Variants in SLC7A11 observed in about 807,000 individuals in gnomAD.
The protein encoded by SLC7A11 is solute carrier family 7 member 11.
A neutral mutation model predicts 54.5 loss-of-function variants in SLC7A11; 35 were observed. The observed-to-expected ratio is 0.64, with a 90% CI of 0.49 to 0.85. The LOEUF is 0.85. Ranked by LOEUF, SLC7A11 falls within the 40% of genes least tolerant of loss-of-function variation. The pLI is 0.00. For synonymous variants in SLC7A11, 230 were observed against 225.2 expected (o/e 1.02, Z -0.19); for missense variants, 583 against 618.1 (o/e 0.94, Z 0.60).
chr4:138,179,241 G>A lies in SLC7A11; in HGVS notation c.1420C>T (p.Pro474Ser), dbSNP rs1022715041. 6.2e-7 allele frequency: 1 copy of A among 1,610,948 alleles called. No homozygotes were observed. The highest frequency in any genetic ancestry group is 1.7e-5 in the Admixed American group (1 of 59,870). ...YYLFIIWDKK[P>S]RWFRIMSEKI... Reference sequence around the variant, plus strand: ...CCCGACATTATTCTAAACCACCTGGGTTTCTTGTCCCATATAATAAAGAGA... The same window carrying A: ...CCCGACATTATTCTAAACCACCTGGATTTCTTGTCCCATATAATAAAGAGA... The change falls in exon 11 of 12, where the codon CCC becomes TCC. Residue 474 changes from proline to serine, a missense_variant. By Grantham distance (74) the Pro-to-Ser change is moderately conservative (BLOSUM62 -1). Coordinates refer to ENST00000280612, the MANE Select transcript of SLC7A11 (RefSeq NM_014331.4).
chr4:138,203,602 T>C (rs1275622174), intron 6 of SLC7A11, among the ~76,000 whole-genome samples: 4 of 152,120 alleles, frequency 2.6e-5, no homozygotes, highest in Non-Finnish European at 5.9e-5. Flanking sequence ...TGATTTATCA[T>C]ATTGTCTGAC....
intron 3 of SLC7A11, among the ~76,000 whole-genome samples, chr4:138,228,891 T>C (rs563326869): frequency 1.3e-5 from 2 of 152,168 alleles, no homozygotes; most frequent in African/African-American, 4.8e-5. Context: ...CTGGAATGGA[T>C]GAAATTTGTA....
intron 6 of SLC7A11, among the ~76,000 whole-genome samples, chr4:138,213,562 C>CTCTCTCT (rs1163234518): frequency 1.8e-5 from 2 of 108,922 alleles, no homozygotes; most frequent in African/African-American, 6.1e-5. Flanking sequence ...TCTCTCTCTC[C>CTCTCTCT]TCCCATACCC....
chr4:138,176,015 T>G (rs558828793), intron 11 of SLC7A11: 1 of 152,148 alleles, frequency 6.6e-6, no homozygotes, highest in Non-Finnish European at 1.5e-5. Flanking sequence ...TAAGTTCACA[T>G]TGAGTTTCTC....
chr4:138,210,768 G>A (rs1201971704), intron 6 of SLC7A11, among the ~76,000 whole-genome samples: 6 of 152,080 alleles, frequency 3.9e-5, no homozygotes, highest in Non-Finnish European at 8.8e-5. Flanking sequence ...AGGCTGTGGA[G>A]AAAAGGGAAT....
intron 5 of SLC7A11, among the ~76,000 whole-genome samples, chr4:138,216,928 G>A (rs1737695168): frequency 6.6e-6 from 1 of 152,160 alleles, no homozygotes; most frequent in South Asian, 2.1e-4. Context: ...CGAGAGAAAG[G>A]TCAGAAAGGC....
intron 2 of SLC7A11, among the ~76,000 whole-genome samples, chr4:138,235,727 C>A (rs1232708251): frequency 6.6e-6 from 1 of 152,108 alleles, no homozygotes; most frequent in African/African-American, 2.4e-5. Flanking sequence ...GATTTTAAAC[C>A]AAGACAAGCA....
At chr4:138,231,909 G>A (rs1738089014) in intron 3 of SLC7A11, among the ~76,000 whole-genome samples, 1 of 152,104 alleles carries the variant, frequency 6.6e-6, no homozygotes, top group African/African-American at 2.4e-5. Flanking sequence ...GTAACTCCAT[G>A]ATTACACATG....
At chr4:138,197,444 C>A (rs1194275047) in intron 6 of SLC7A11, among the ~76,000 whole-genome samples, 1 of 151,916 alleles carries the variant, frequency 6.6e-6, no homozygotes, top group African/African-American at 2.4e-5. Flanking sequence ...TGGGAAGTTA[C>A]TTTAATTAGT....
At chr4:138,239,489 T>G (rs1012121711) in intron 1 of SLC7A11, among the ~76,000 whole-genome samples, 5 of 152,174 alleles carry the variant, frequency 3.3e-5, no homozygotes, top group African/African-American at 1.2e-4. Flanking sequence ...TATTTTTTCT[T>G]CAGATTTTGC....
intron 11 of SLC7A11, among the ~76,000 whole-genome samples, chr4:138,173,567 G>A (rs1488072628): frequency 6.6e-6 from 1 of 151,800 alleles, no homozygotes; most frequent in African/African-American, 2.4e-5. Context: ...CCAGGAGGCA[G>A]AGGTTGCTGT....
rs1280110926 is a variant in SLC7A11, at chr4:138,170,581, C to A, written c.*1375G>T. 6.6e-6 allele frequency: 1 copy of A among 151,964 alleles called. No individual in the cohort carries two copies. Among genetic ancestry groups the A allele is most frequent in the Non-Finnish European group, 1.5e-5 (1 of 68,012 alleles). 9.4% of individuals were successfully genotyped at this position (151,964 alleles called of 1,614,324 possible). On this transcript the variant is annotated 3_prime_UTR_variant, in exon 12 of 12. Coordinates refer to ENST00000280612, the MANE Select transcript of SLC7A11 (RefSeq NM_014331.4). ...TCCACCCCCTCAGCCTCCCAAAGTG[C>A]TGGGATTACAGATGTAAGCCACCAT...
intron 3 of SLC7A11, among the ~76,000 whole-genome samples, chr4:138,228,872 A>C (rs1738009298): frequency 6.6e-6 from 1 of 151,986 alleles, no homozygotes; most frequent in Admixed American, 6.6e-5. Context: ...CACGCACCTG[A>C]CATGTTTACT....
At chr4:138,193,400 A>C (rs1737058420) in intron 6 of SLC7A11, among the ~76,000 whole-genome samples, 1 of 152,150 alleles carries the variant, frequency 6.6e-6, no homozygotes. Flanking sequence ...TCAAAGAAAG[A>C]TGTGTTCCAG....
At chr4:138,220,946 A>C (rs928593915) in intron 4 of SLC7A11, among the ~76,000 whole-genome samples, 2 of 152,222 alleles carry the variant, frequency 1.3e-5, no homozygotes, top group African/African-American at 4.8e-5. Context: ...AATGATTCCC[A>C]AACATAGCTC....
intron 4 of SLC7A11, 62 bp from the exon 5 acceptor site, chr4:138,219,427 C>T: frequency 1.1e-6 from 1 of 928,954 alleles, no homozygotes; most frequent in Non-Finnish European, 1.8e-6. Context: ...TCACTCTTAA[C>T]CAGAAACATG....
Position 138,179,345 on chromosome 4 carries a change from AC to A in SLC7A11, c.1315del (p.Val439LeufsTer20). 2 of 1,612,696 alleles carry A rather than the reference AC, an allele frequency of 1.2e-6. No homozygotes were observed. Among genetic ancestry groups the A allele is most frequent in the Non-Finnish European group, 1.7e-6 (2 of 1,179,242 alleles). On this transcript the variant is annotated frameshift_variant, in exon 11 of 12. Transcript: ENST00000280612. LOFTEE classifies it high-confidence loss of function. Reference protein sequence around the residue: ...ALFSFTCLFMVALSLYSDPFS... With the variant: ...ALFSFTCLFMXALSLYSDPFS... ...TGGGTCCGAATAGAGGGAAAGGGCA[AC>A]CATGAAGAGGCATGTGAAGGAAAAC...
intron 6 of SLC7A11, among the ~76,000 whole-genome samples, chr4:138,198,217 G>C (rs1368071119): frequency 6.6e-6 from 1 of 151,686 alleles, no homozygotes; most frequent in East Asian, 1.9e-4. Flanking sequence ...GATCATAATA[G>C]CAATACAGAA....
intron 1 of SLC7A11, among the ~76,000 whole-genome samples, chr4:138,240,346 C>G (rs1327520371): frequency 1.3e-5 from 2 of 151,976 alleles, no homozygotes; most frequent in East Asian, 3.9e-4. Flanking sequence ...GTGGGTGGAT[C>G]ACGAGGTCAG....
Sources: gnomAD v4.1 joint callset for allele counts (sites outside exome capture counted in the v4.1 genomes callset) on GRCh38, gnomAD v4.1.1 for gene constraint, MANE v1.5 for transcripts, NCBI Gene and HGNC (gene_info 2026-07-23, HGNC 2026-07-21) for gene names.